SLC4A4: variants seen among roughly 807,000 people sequenced by gnomAD.
The protein encoded by SLC4A4 is electrogenic sodium bicarbonate cotransporter 1.
Under a neutral mutation model 111.5 loss-of-function variants are expected in SLC4A4, and 27 were observed. The ratio of observed to expected loss-of-function variants is 0.24; its 90% CI spans 0.18 to 0.33. The LOEUF (loss-of-function observed/expected upper bound fraction) is 0.33. SLC4A4 is among the 10% of genes least tolerant of loss of function. The pLI, the probability that SLC4A4 is intolerant of heterozygous loss-of-function variation, is 1.00. For synonymous variants in SLC4A4, 443 were observed against 463.4 expected, an observed-to-expected ratio of 0.96 and a Z score of 0.57; for missense variants, 909 against 1,315.5, an observed-to-expected ratio of 0.69 and a Z score of 4.78.
At chr4:71,174,227 C>T (rs898835821) in intron 2 of SLC4A4, among the ~76,000 whole-genome samples, 5 of 150,272 alleles carry the variant, frequency 3.3e-5, no homozygotes, top group African/African-American at 1.2e-4. Context: ...TGTCCTCACT[C>T]AAAATTAGGC....
chr4:71,489,125 A>C (rs913759516), intron 15 of SLC4A4, among the ~76,000 whole-genome samples: 4 of 151,708 alleles, frequency 2.6e-5, no homozygotes, highest in African/African-American at 9.7e-5. Context: ...TCTTCACAGT[A>C]ATTGTCTATA....
exon 1 of SLC4A4, among the ~76,000 whole-genome samples, chr4:71,062,684 CA>C (rs1218541422): frequency 2.0e-5 from 3 of 152,142 alleles, no homozygotes; most frequent in Non-Finnish European, 4.4e-5. Context: ...GTGCATCATT[CA>C]GAAGATATAA....
At chr4:71,096,244 G>A (rs532920790) in intron 2 of SLC4A4, among the ~76,000 whole-genome samples, 2 of 152,292 alleles carry the variant, frequency 1.3e-5, no homozygotes, top group East Asian at 3.9e-4. Flanking sequence ...TCTGCATAGG[G>A]TGGCTGGAGG....
intron 8 of SLC4A4, among the ~76,000 whole-genome samples, chr4:71,443,673 T>C (rs944565973): frequency 7.9e-5 from 12 of 152,218 alleles, no homozygotes; most frequent in Admixed American, 7.2e-4. Flanking sequence ...AAAACCCTAG[T>C]TTGTGCTTTT....
intron 1 of SLC4A4, among the ~76,000 whole-genome samples, chr4:71,071,817 A>G (rs1234293161): frequency 1.3e-5 from 2 of 152,188 alleles, no homozygotes; most frequent in Non-Finnish European, 2.9e-5. Context: ...CAATTGTTCT[A>G]ATATTTTGAT....
intron 3 of SLC4A4, among the ~76,000 whole-genome samples, chr4:71,292,844 T>G (rs1010766244): frequency 3.1e-5 from 4 of 129,784 alleles, no homozygotes; most frequent in African/African-American, 1.4e-4. Context: ...TTTTTTTTGT[T>G]TTTTTTTTTT....
chr4:71,081,300 A>T (rs886228583), intron 1 of SLC4A4, among the ~76,000 whole-genome samples: 1 of 152,062 alleles, frequency 6.6e-6, no homozygotes, highest in Admixed American at 6.5e-5. Flanking sequence ...TCATTTATTC[A>T]TGCAGAGCCT....
At chr4:71,166,228 C>T (rs1441520136) in intron 2 of SLC4A4, among the ~76,000 whole-genome samples, 1 of 152,144 alleles carries the variant, frequency 6.6e-6, no homozygotes, top group Non-Finnish European at 1.5e-5. Flanking sequence ...GAGTGATCAG[C>T]CACTAAATAT....
At chr4:71,089,157 C>A (rs1350962812) in intron 1 of SLC4A4, among the ~76,000 whole-genome samples, 2 of 152,112 alleles carry the variant, frequency 1.3e-5, no homozygotes, top group East Asian at 1.9e-4. Context: ...TTTGATCTTG[C>A]ATCACTGATA....
intron 2 of SLC4A4, among the ~76,000 whole-genome samples, chr4:71,109,495 C>T (rs1743031621): frequency 6.6e-6 from 1 of 151,882 alleles, no homozygotes; most frequent in African/African-American, 2.4e-5. Flanking sequence ...GATTGGAGCT[C>T]AGGTCCCTGA....
chr4:71,396,936 T>C (rs1414590738), intron 6 of SLC4A4, among the ~76,000 whole-genome samples: 1 of 152,220 alleles, frequency 6.6e-6, no homozygotes, highest in African/African-American at 2.4e-5. Context: ...TATTTTATTC[T>C]GGCAAATGGG....
At chr4:71,510,296 T>C (rs1405488225) in intron 16 of SLC4A4, among the ~76,000 whole-genome samples, 2 of 152,226 alleles carry the variant, frequency 1.3e-5, no homozygotes, top group South Asian at 4.1e-4. Flanking sequence ...TCACACTCCA[T>C]AGGGATTTCA....
At chr4:71,421,736 A>T (rs536007719) in intron 7 of SLC4A4, among the ~76,000 whole-genome samples, 2 of 152,328 alleles carry the variant, frequency 1.3e-5, no homozygotes, top group South Asian at 4.1e-4. Flanking sequence ...CTGAATGACT[A>T]CTGGGTACAT....
At chr4:71,353,974 T>A (rs1730070670) in intron 5 of SLC4A4, among the ~76,000 whole-genome samples, 1 of 152,256 alleles carries the variant, frequency 6.6e-6, no homozygotes, top group Non-Finnish European at 1.5e-5. Flanking sequence ...TATTTTTGAT[T>A]CTTCTCAGGA....
At chr4:71,183,844 C>T (rs886842578), upstream of SLC4A4, among the ~76,000 whole-genome samples, 1 of 152,296 alleles carries the variant, frequency 6.6e-6, no homozygotes, top group Admixed American at 6.5e-5. Flanking sequence ...TGACAAACAT[C>T]TCTGATCAGT....
At chr4:71,478,505 G>A (rs913066055) in intron 14 of SLC4A4, among the ~76,000 whole-genome samples, 1 of 151,634 alleles carries the variant, frequency 6.6e-6, no homozygotes, top group South Asian at 2.1e-4. Flanking sequence ...AACTAACATA[G>A]GAACAGAAAA....
chr4:71,455,022 A>G lies in SLC4A4; in HGVS notation c.1497+1353A>G, dbSNP rs142596092. Among the ~76,000 whole-genome samples the G allele has an allele frequency of 5.0e-4, 76 of 152,286 alleles. 1 individual carries two copies. The East Asian group carries it at 0.014, about 29-fold the overall frequency. On this transcript the variant is annotated intron_variant, in intron 12 of 25. Transcript: ENST00000264485. ...ACATAGCTAACTTGGGCTTTCTCAC[A>G]GTGGGGGGACTGTGATGACGTCTAA...
chr4:71,262,134 G>A (rs1212197137), intron 3 of SLC4A4, among the ~76,000 whole-genome samples: 2 of 152,216 alleles, frequency 1.3e-5, no homozygotes, highest in African/African-American at 4.8e-5. Context: ...GTGTGAGTGT[G>A]TGTGATTTGA....
chr4:71,460,566 T>C (rs937678159), intron 12 of SLC4A4, among the ~76,000 whole-genome samples: 1 of 152,158 alleles, frequency 6.6e-6, no homozygotes, highest in African/African-American at 2.4e-5. Flanking sequence ...CAAAGTACTT[T>C]AGGCAGAGCG....
Sources: allele counts gnomAD v4.1 joint callset (sites outside exome capture counted in the v4.1 genomes callset), GRCh38; gene constraint gnomAD v4.1.1; transcripts MANE v1.5; gene names NCBI Gene and HGNC (gene_info 2026-07-23, HGNC 2026-07-21).